KCNQ3: variants seen among roughly 807,000 people sequenced by gnomAD.
KCNQ3 encodes potassium voltage-gated channel subfamily KQT member 3.
In KCNQ3, 30 loss-of-function variants were observed where a neutral mutation model predicts 92.5. The ratio of observed to expected loss-of-function variants is 0.32; its 90% confidence interval spans 0.24 to 0.44. The LOEUF is 0.44. Among genes scored for constraint, KCNQ3 ranks in the 20% least tolerant of loss-of-function variants. KCNQ3 has a pLI of 1.00. For synonymous variants in KCNQ3, 450 were observed against 468.8 expected (o/e 0.96, Z 0.52); for missense variants, 913 against 1,140.3 (o/e 0.80, Z 2.87).
chr8:132,358,823 C>T (rs1478581249), intron 1 of KCNQ3, among the ~76,000 whole-genome samples: 1 of 152,130 alleles, frequency 6.6e-6, no homozygotes, highest in Non-Finnish European at 1.5e-5. Flanking sequence ...TCAATACTTT[C>T]AATGCATTCT....
intron 1 of KCNQ3, among the ~76,000 whole-genome samples, chr8:132,219,292 C>T (rs9650112): frequency 0.04 from 6,148 of 152,218 alleles, 190 homozygotes; most frequent in South Asian, 0.063. Context: ...TCAGACCACC[C>T]TTGATGAGCA....
intron 5 of KCNQ3, 149 bp from the exon 6 acceptor site, chr8:132,174,498 C>T: frequency 2.9e-6 from 2 of 697,422 alleles, no homozygotes; most frequent in Admixed American, 2.1e-5. Flanking sequence ...ACACCAAGTA[C>T]CTACTAACTT....
At chr8:132,411,352 G>A (rs1419446684) in intron 1 of KCNQ3, among the ~76,000 whole-genome samples, 1 of 152,162 alleles carries the variant, frequency 6.6e-6, no homozygotes, top group Admixed American at 6.5e-5. Flanking sequence ...CAGTGGGCTT[G>A]ATTACAGGGG....
intron 3 of KCNQ3, among the ~76,000 whole-genome samples, chr8:132,183,712 C>G (rs1826866686): frequency 6.6e-6 from 1 of 152,200 alleles, no homozygotes; most frequent in Non-Finnish European, 1.5e-5. Flanking sequence ...CAAGACCACA[C>G]CTGGGTGTTA....
chr8:132,465,329 G>A (rs1248345920), intron 1 of KCNQ3, among the ~76,000 whole-genome samples: 1 of 152,176 alleles, frequency 6.6e-6, no homozygotes, highest in Non-Finnish European at 1.5e-5. Context: ...ATGTCACCAG[G>A]ATTGAAGTTG....
chr8:132,328,462 T>G (rs1243672008), intron 1 of KCNQ3, among the ~76,000 whole-genome samples: 1 of 152,062 alleles, frequency 6.6e-6, no homozygotes, highest in Non-Finnish European at 1.5e-5. Context: ...CAGGGAATGA[T>G]CCCCTGAGTT....
intron 1 of KCNQ3, among the ~76,000 whole-genome samples, chr8:132,401,481 T>C (rs1820331264): frequency 6.6e-6 from 1 of 152,004 alleles, no homozygotes; most frequent in Non-Finnish European, 1.5e-5. Context: ...GCTCAAGCAA[T>C]TCTCCTGCCT....
chr8:132,406,678 T>C (rs1024202531), intron 1 of KCNQ3, among the ~76,000 whole-genome samples: 3 of 152,096 alleles, frequency 2.0e-5, no homozygotes, highest in African/African-American at 7.2e-5. Context: ...GCTTTCTCAG[T>C]TCTATGACAC....
At chr8:132,339,691 C>T (rs1818464124) in intron 1 of KCNQ3, among the ~76,000 whole-genome samples, 3 of 152,102 alleles carry the variant, frequency 2.0e-5, no homozygotes, top group Admixed American at 2.0e-4. Flanking sequence ...ATATGACAAG[C>T]AAACAGCCCC....
At chr8:132,457,383 G>C (rs1032456063) in intron 1 of KCNQ3, among the ~76,000 whole-genome samples, 2 of 152,170 alleles carry the variant, frequency 1.3e-5, no homozygotes, top group African/African-American at 2.4e-5. Flanking sequence ...GGTTAAGAAA[G>C]GTCACACGCC....
chr8:132,228,059 T>G (rs1303096314), intron 1 of KCNQ3, among the ~76,000 whole-genome samples: 1 of 152,050 alleles, frequency 6.6e-6, no homozygotes, highest in African/African-American at 2.4e-5. Flanking sequence ...TTGCTTTTGA[T>G]GAAAAGTCCT....
intron 1 of KCNQ3, among the ~76,000 whole-genome samples, chr8:132,189,629 C>A (rs1827097154): frequency 6.6e-6 from 1 of 151,872 alleles, no homozygotes. Flanking sequence ...GAGTTCGAGT[C>A]CAGCCTGACC....
At chr8:132,385,125 C>T (rs1248054290) in intron 1 of KCNQ3, among the ~76,000 whole-genome samples, 1 of 152,204 alleles carries the variant, frequency 6.6e-6, no homozygotes, top group Non-Finnish European at 1.5e-5. Context: ...CAATGACTCA[C>T]CAACACACAA....
At chr8:132,177,167 T>C (rs1218389422) in intron 4 of KCNQ3, among the ~76,000 whole-genome samples, 1 of 152,240 alleles carries the variant, frequency 6.6e-6, no homozygotes, top group East Asian at 1.9e-4. Flanking sequence ...AATCAACAGT[T>C]GTCTGTTTCT....
chr8:132,308,960 CTGGT>C (rs1221721466), intron 1 of KCNQ3, among the ~76,000 whole-genome samples: 1 of 152,128 alleles, frequency 6.6e-6, no homozygotes, highest in East Asian at 1.9e-4. Context: ...ATTATTGTTC[CTGGT>C]TGTGTCTGTG....
chr8:132,454,966 G>T (rs368171131), intron 1 of KCNQ3, among the ~76,000 whole-genome samples: 6 of 152,170 alleles, frequency 3.9e-5, no homozygotes, highest in African/African-American at 1.4e-4. Flanking sequence ...GTATTTAGAG[G>T]TGTTAAAATC....
chr8:132,440,042 T>C (rs11992343), intron 1 of KCNQ3, among the ~76,000 whole-genome samples: 5,380 of 152,302 alleles, frequency 0.035, 293 homozygotes, highest in African/African-American at 0.12. Flanking sequence ...CCGTATACTT[T>C]AAATCATCTC....
intron 1 of KCNQ3, among the ~76,000 whole-genome samples, chr8:132,264,502 C>G (rs2130480158): frequency 6.6e-6 from 1 of 152,284 alleles, no homozygotes; most frequent in Non-Finnish European, 1.5e-5. Flanking sequence ...TTGGGAGAAT[C>G]AACAGGAAGA....
chr8:132,461,105 T>C (rs1211884976), intron 1 of KCNQ3, among the ~76,000 whole-genome samples: 3 of 152,254 alleles, frequency 2.0e-5, no homozygotes, highest in Non-Finnish European at 4.4e-5. Context: ...CAATAGTTTA[T>C]TGTATGGATG....
Sources: allele counts gnomAD v4.1 joint callset (sites outside exome capture counted in the v4.1 genomes callset), GRCh38; gene constraint gnomAD v4.1.1; transcripts MANE v1.5; gene names NCBI Gene and HGNC (gene_info 2026-07-23, HGNC 2026-07-21).